SAMD5: variants seen among roughly 807,000 people sequenced by gnomAD.
The protein encoded by SAMD5 is sterile alpha motif domain containing 5.
In SAMD5, 13 loss-of-function variants were observed where a neutral mutation model predicts 11.3. That is an observed-to-expected ratio of 1.15 (90% CI 0.75 to 1.83). The LOEUF is 1.83. SAMD5 is among the 40% of genes most tolerant of loss of function. The pLI, the probability that SAMD5 is intolerant of heterozygous loss-of-function variation, is 0.00. For synonymous variants in SAMD5, 129 were observed against 111.3 expected (o/e 1.16, Z -1.00); for missense variants, 255 against 239.1 (o/e 1.07, Z -0.44).
intron 1 of SAMD5, among the ~76,000 whole-genome samples, chr6:147,533,462 C>CAAAAAAA (rs57455955): frequency 1.1e-5 from 1 of 89,508 alleles, no homozygotes; most frequent in African/African-American, 3.7e-5. Flanking sequence ...AATTCCATCT[C>CAAAAAAA]AAAAAAAAAA....
At chr6:147,916,872 C>A in the SAMD5 span, among the ~76,000 whole-genome samples, 1 of 150,952 alleles carries the variant, frequency 6.6e-6, no homozygotes, top group East Asian at 1.9e-4. Flanking sequence ...CATGTCCCTA[C>A]AAAGGACATG....
chr6:147,642,901 G>C (rs979941718), intron 1 of SAMD5, among the ~76,000 whole-genome samples: 4 of 152,108 alleles, frequency 2.6e-5, no homozygotes, highest in Non-Finnish European at 5.9e-5. Flanking sequence ...TCGTTAGTTG[G>C]CTGCCATCTG....
intron 1 of SAMD5, among the ~76,000 whole-genome samples, chr6:147,703,438 T>C (rs1791283144): frequency 6.6e-6 from 1 of 152,212 alleles, no homozygotes; most frequent in African/African-American, 2.4e-5. Context: ...ATTTGGTCCC[T>C]ATTGTTTGCA....
chr6:147,710,349 T>G (rs115614746), intron 1 of SAMD5, among the ~76,000 whole-genome samples: 2,414 of 152,350 alleles, frequency 0.016, 64 homozygotes, highest in African/African-American at 0.055. Context: ...TATGGTTAAC[T>G]GTGGTCCAAA....
chr6:147,659,052 G>A (rs560982328), intron 1 of SAMD5, among the ~76,000 whole-genome samples: 40 of 152,288 alleles, frequency 2.6e-4, no homozygotes, highest in Middle Eastern at 3.4e-3. Context: ...TCCTCTCAAA[G>A]GCAAACTTCC....
At chr6:147,726,762 A>G (rs1791635230) in intron 1 of SAMD5, among the ~76,000 whole-genome samples, 1 of 152,216 alleles carries the variant, frequency 6.6e-6, no homozygotes, top group African/African-American at 2.4e-5. Flanking sequence ...AGTACATGTG[A>G]CATAAAGTCA....
At chr6:147,795,642 C>T in the SAMD5 span, among the ~76,000 whole-genome samples, 1 of 151,086 alleles carries the variant, frequency 6.6e-6, no homozygotes, top group East Asian at 2.0e-4. Context: ...AATCACCACA[C>T]TGTCTTCCAC....
intron 1 of SAMD5, among the ~76,000 whole-genome samples, chr6:147,728,866 C>T (rs1351083278): frequency 1.3e-5 from 2 of 151,456 alleles, no homozygotes; most frequent in Non-Finnish European, 2.9e-5. Context: ...TTATGCAGTT[C>T]TGTGTGGCTT....
chr6:147,952,760 C>T, the SAMD5 span, among the ~76,000 whole-genome samples: 3 of 152,198 alleles, frequency 2.0e-5, no homozygotes. Flanking sequence ...GTGATCCTCC[C>T]GCCTTGGCCT....
intron 1 of SAMD5, among the ~76,000 whole-genome samples, chr6:147,512,972 G>C (rs964709939): frequency 6.6e-6 from 1 of 152,218 alleles, no homozygotes; most frequent in African/African-American, 2.4e-5. Flanking sequence ...TATGACCTGA[G>C]TACTGACGGT....
chr6:147,885,964 C>T, the SAMD5 span, among the ~76,000 whole-genome samples: 1 of 151,944 alleles, frequency 6.6e-6, no homozygotes, highest in Admixed American at 6.6e-5. Context: ...AAAGAGAAAA[C>T]ATCAAAAAGT....
At chr6:147,868,571 A>C in the SAMD5 span, among the ~76,000 whole-genome samples, 1 of 152,212 alleles carries the variant, frequency 6.6e-6, no homozygotes, top group Non-Finnish European at 1.5e-5. Flanking sequence ...GCAAAGGGTG[A>C]AGATCAACTA....
At chr6:147,842,597 C>T in the SAMD5 span, among the ~76,000 whole-genome samples, 1 of 151,922 alleles carries the variant, frequency 6.6e-6, no homozygotes, top group East Asian at 1.9e-4. Context: ...AATTAGAAGA[C>T]CTGGCATGCT....
At chr6:147,871,495 A>G in the SAMD5 span, among the ~76,000 whole-genome samples, 1 of 152,244 alleles carries the variant, frequency 6.6e-6, no homozygotes. Flanking sequence ...ACCTCTTTTT[A>G]AAGATGACTG....
the SAMD5 span, among the ~76,000 whole-genome samples, chr6:147,808,144 C>T: frequency 6.6e-6 from 1 of 152,318 alleles, no homozygotes; most frequent in South Asian, 2.1e-4. Flanking sequence ...GAAAGGCAAC[C>T]TATGGGAGGC....
chr6:147,888,139 A>G, the SAMD5 span, among the ~76,000 whole-genome samples: 6 of 152,192 alleles, frequency 3.9e-5, no homozygotes, highest in African/African-American at 1.2e-4. Context: ...TCTAAAGAGC[A>G]TCATTTAATT....
intron 1 of SAMD5, among the ~76,000 whole-genome samples, chr6:147,597,279 T>G (rs564312953): frequency 1.3e-5 from 2 of 152,344 alleles, no homozygotes; most frequent in East Asian, 1.9e-4. Flanking sequence ...AATCAGTGGC[T>G]TCTCCAGATG....
the SAMD5 span, among the ~76,000 whole-genome samples, chr6:147,886,021 A>G: frequency 2.0e-5 from 3 of 152,234 alleles, no homozygotes; most frequent in African/African-American, 4.8e-5. Context: ...ACCATAAAAT[A>G]GAAAGAAAGC....
chr6:147,686,474 C>A (rs191197365), intron 1 of SAMD5, among the ~76,000 whole-genome samples: 1 of 152,232 alleles, frequency 6.6e-6, no homozygotes, highest in African/African-American at 2.4e-5. Flanking sequence ...ACAAGATGCA[C>A]TTTTCCCCAT....
Sources: gnomAD v4.1 joint callset for allele counts (sites outside exome capture counted in the v4.1 genomes callset) on GRCh38, gnomAD v4.1.1 for gene constraint, MANE v1.5 for transcripts, NCBI Gene and HGNC (gene_info 2026-07-23, HGNC 2026-07-21) for gene names.